Variants in GALNT11 observed in about 807,000 individuals in gnomAD.
The protein encoded by GALNT11 is polypeptide N-acetylgalactosaminyltransferase 11.
Under a neutral mutation model 72.7 loss-of-function variants are expected in GALNT11, and 47 were observed. That is an observed-to-expected ratio of 0.65 (90% CI 0.51 to 0.82). The LOEUF (loss-of-function observed/expected upper bound fraction) is 0.82. Ranked by LOEUF, GALNT11 falls within the 40% of genes least tolerant of loss-of-function variation. The pLI is 0.00. For synonymous variants in GALNT11, 270 were observed against 286.6 expected, an observed-to-expected ratio of 0.94 and a Z score of 0.58; for missense variants, 677 against 778.4, an observed-to-expected ratio of 0.87 and a Z score of 1.55.
chr7:152,117,245 G>A lies in GALNT11; in HGVS notation c.1322G>A (p.Cys441Tyr), dbSNP rs1223852715. The A allele has an allele frequency of 6.2e-7, 1 of 1,614,156 alleles. No individual in the cohort carries two copies. The highest frequency in any genetic ancestry group is 2.2e-5 in the East Asian group (1 of 44,884). ...GTGGAACTGAGAAAGAAGTTGGGCTGTAAATCATTTAAATGGTATTTGGAT... is the reference window on the plus strand; with the variant it reads ...GTGGAACTGAGAAAGAAGTTGGGCTATAAATCATTTAAATGGTATTTGGAT... ...ERVELRKKLG[C>Y]KSFKWYLDNV... is the part of the protein sequence containing the mutation. The change falls in exon 9 of 12, where the codon TGT becomes TAT. Residue 441 changes from cysteine to tyrosine, a missense_variant. Transcript: ENST00000430044.
chr7:152,043,600 T>C (rs926578089), intron 1 of GALNT11, among the ~76,000 whole-genome samples: 1 of 152,196 alleles, frequency 6.6e-6, no homozygotes, highest in African/African-American at 2.4e-5. Context: ...TCTAGCTTGC[T>C]GAATTCCTGC....
At chr7:152,034,655 C>G (rs950232568) in intron 1 of GALNT11, among the ~76,000 whole-genome samples, 11 of 152,176 alleles carry the variant, frequency 7.2e-5, no homozygotes, top group Admixed American at 5.2e-4. Flanking sequence ...CCCTGCTGAT[C>G]GGAATAGTTG....
intron 1 of GALNT11, among the ~76,000 whole-genome samples, chr7:152,031,208 A>G (rs1260531016): frequency 6.6e-6 from 1 of 152,216 alleles, no homozygotes; most frequent in African/African-American, 2.4e-5. Context: ...TAACTATGGC[A>G]TAACCTGCCC....
intron 1 of GALNT11, among the ~76,000 whole-genome samples, chr7:152,076,526 C>T (rs1405441712): frequency 6.6e-6 from 1 of 152,166 alleles, no homozygotes; most frequent in Non-Finnish European, 1.5e-5. Context: ...GTGTAGCATA[C>T]GTATGTCAGA....
chr7:152,074,739 C>G (rs977673570), intron 1 of GALNT11, among the ~76,000 whole-genome samples: 1 of 152,142 alleles, frequency 6.6e-6, no homozygotes, highest in Admixed American at 6.5e-5. Context: ...TTCACTCTTA[C>G]AGTGGGCTGT....
intron 1 of GALNT11, among the ~76,000 whole-genome samples, chr7:152,076,775 G>A (rs956702450): frequency 2.6e-5 from 4 of 152,212 alleles, no homozygotes; most frequent in Non-Finnish European, 4.4e-5. Flanking sequence ...CAGTAACTGC[G>A]ATGTTTATTT....
intron 1 of GALNT11, among the ~76,000 whole-genome samples, chr7:152,087,521 C>T (rs7797214): frequency 0.16 from 23,664 of 152,092 alleles, 4,420 homozygotes; most frequent in African/African-American, 0.45. Context: ...TAGGGACTTG[C>T]AGGTCTTTGT....
rs763185697 is a variant in GALNT11 at position 152,117,191 on chromosome 7, C to T, written c.1268C>T (p.Thr423Met). ...TTTTCCTTAAGACCTGACCTGAAGACGAAAAGCTATGGCAATATCAGTGAG... is the reference window on the plus strand; with the variant it reads ...TTTTCCTTAAGACCTGACCTGAAGATGAAAAGCTATGGCAATATCAGTGAG... ...QYFSLRPDLK[T>M]KSYGNISERV... The change falls in exon 9 of 12, where the codon ACG becomes ATG. Residue 423 changes from threonine (T) to methionine (M), a missense_variant. Coordinates refer to ENST00000430044, the MANE Select transcript of GALNT11 (RefSeq NM_022087.4). 6.3e-5 allele frequency: 101 copies of T among 1,611,844 alleles called. No homozygotes were observed. The highest frequency in any genetic ancestry group is 3.3e-4 in the Middle Eastern group (2 of 6,072).
intron 1 of GALNT11, among the ~76,000 whole-genome samples, chr7:152,033,879 GGCTGCAGCTAAA>G (rs1291429085): frequency 6.6e-6 from 1 of 152,136 alleles, no homozygotes; most frequent in African/African-American, 2.4e-5. Context: ...CAAACTCTCA[GGCTGCAGCTAAA>G]GCCGCATTCT....
intron 1 of GALNT11, among the ~76,000 whole-genome samples, chr7:152,047,909 G>C (rs2083220651): frequency 6.6e-6 from 1 of 151,794 alleles, no homozygotes; most frequent in Non-Finnish European, 1.5e-5. Context: ...TCGTCTTTTA[G>C]TCTTTCTACT....
intron 1 of GALNT11, among the ~76,000 whole-genome samples, chr7:152,069,326 G>C (rs73730346): frequency 0.046 from 7,056 of 152,260 alleles, 549 homozygotes; most frequent in African/African-American, 0.16. Flanking sequence ...CTGTTAAGAT[G>C]TGTTTTATGG....
chr7:152,079,143 C>A (rs1223914793), intron 1 of GALNT11: 1 of 152,198 alleles, frequency 6.6e-6, no homozygotes, highest in Non-Finnish European at 1.5e-5. Flanking sequence ...TGCCCATAGT[C>A]ATTTTATTTC....
At chr7:152,098,347 C>T (rs932218119) in intron 2 of GALNT11, among the ~76,000 whole-genome samples, 3 of 151,828 alleles carry the variant, frequency 2.0e-5, no homozygotes, top group African/African-American at 7.3e-5. Flanking sequence ...ATTGTTTGGG[C>T]CCAGGAGGCA....
At position 152,118,689 on chromosome 7, in the gene GALNT11, C is replaced by G; in HGVS notation, c.1464C>G (p.Leu488=). The G allele has an allele frequency of 1.2e-6, 2 of 1,610,336 alleles. No individual in the cohort carries two copies. The highest frequency in any genetic ancestry group is 8.5e-7 in the Non-Finnish European group (1 of 1,178,434). ...KVLQRGRLYH[L]QTNKCLVAQG... Reference sequence around the variant, plus strand: ...GCCTTCTCTTACAGCTCTATCACCTCCAGACCAACAAATGCCTGGTGGCCC... The same window carrying G: ...GCCTTCTCTTACAGCTCTATCACCTGCAGACCAACAAATGCCTGGTGGCCC... The change falls in exon 10 of 12, where the codon CTC becomes CTG. Residue 488 remains leucine, a synonymous_variant. Transcript: ENST00000430044.
chr7:152,113,188 A>G (rs1039129032), intron 7 of GALNT11, 58 bp from the exon 8 acceptor site: 2 of 1,513,168 alleles, frequency 1.3e-6, no homozygotes, highest in African/African-American at 2.8e-5. Flanking sequence ...GAAAATTCAT[A>G]CATTGGTTTC....
intron 1 of GALNT11, among the ~76,000 whole-genome samples, chr7:152,059,019 T>C (rs1245978050): frequency 6.6e-6 from 1 of 152,220 alleles, no homozygotes; most frequent in African/African-American, 2.4e-5. Flanking sequence ...CTCCCGTTAA[T>C]ATTGACATTT....
intron 1 of GALNT11, among the ~76,000 whole-genome samples, chr7:152,081,881 A>G (rs1391580642): frequency 2.0e-5 from 3 of 152,178 alleles, no homozygotes; most frequent in Non-Finnish European, 4.4e-5. Context: ...ACCTGACAAC[A>G]TAATTTACAG....
chr7:152,055,336 A>G (rs2152039886), intron 1 of GALNT11, among the ~76,000 whole-genome samples: 1 of 152,322 alleles, frequency 6.6e-6, no homozygotes, highest in African/African-American at 2.4e-5. Context: ...ATATTTTCTT[A>G]AACTCATTTA....
rs187296063 is a variant in GALNT11, at chr7:152,065,420, T to C, written c.-38-28770T>C. Among the ~76,000 whole-genome samples, 171 of 152,332 alleles carry C rather than the reference T, an allele frequency of 1.1e-3. 2 individuals are homozygous for C. Among genetic ancestry groups the C allele is most frequent in the African/African-American group, 4.0e-3 (166 of 41,588 alleles). On this transcript the variant is annotated intron_variant, in intron 1 of 11. Transcript: ENST00000430044. ...CCTCCTTTAGCTCGGAGTAGTTTGA[T>C]CGTCTGAACCCTTCTCTCAACTCGT... is the stretch of plus-strand genomic sequence containing the variant.
Sources: allele counts gnomAD v4.1 joint callset (sites outside exome capture counted in the v4.1 genomes callset), GRCh38; gene constraint gnomAD v4.1.1; transcripts MANE v1.5; gene names NCBI Gene and HGNC (gene_info 2026-07-23, HGNC 2026-07-21).